TMEM233: variants seen among roughly 807,000 people sequenced by gnomAD.
TMEM233 encodes dispanin subfamily B member 2.
Under a neutral mutation model 11.2 loss-of-function variants are expected in TMEM233, and 6 were observed. The ratio of observed to expected loss-of-function variants is 0.54; its 90% CI spans 0.29 to 1.06. The LOEUF (loss-of-function observed/expected upper bound fraction) is 1.06, where lower values mean the gene tolerates loss of function less well. Ranked by LOEUF, TMEM233 falls within the 50% of genes least tolerant of loss-of-function variation. TMEM233 has a pLI of 0.08. For synonymous variants in TMEM233, 59 were observed against 55.8 expected, an observed-to-expected ratio of 1.06 and a Z score of -0.26; for missense variants, 127 against 144.7, an observed-to-expected ratio of 0.88 and a Z score of 0.63.
chr12:119,605,013 G>C (rs1289629150), intron 1 of TMEM233, among the ~76,000 whole-genome samples: 1 of 100,636 alleles, frequency 9.9e-6, no homozygotes, highest in Non-Finnish European at 2.1e-5. Context: ...TTTTTTTTTT[G>C]CCACGGGTGA....
intron 1 of TMEM233, among the ~76,000 whole-genome samples, chr12:119,612,207 A>C (rs988195899): frequency 6.6e-6 from 1 of 152,040 alleles, no homozygotes; most frequent in East Asian, 2.0e-4. Context: ...GTTAGCCAGG[A>C]TAGTCTTAAT....
At chr12:119,649,154 CGA>C in the TMEM233 span, among the ~76,000 whole-genome samples, 3 of 151,950 alleles carry the variant, frequency 2.0e-5, no homozygotes, top group Non-Finnish European at 2.9e-5. Flanking sequence ...AAAAATTAGC[CGA>C]GAGTGGTGGT....
chr12:119,618,247 TGCC>T (rs1291764394), intron 1 of TMEM233, among the ~76,000 whole-genome samples: 5 of 152,236 alleles, frequency 3.3e-5, no homozygotes, highest in African/African-American at 1.2e-4. Flanking sequence ...TGTATGGAAA[TGCC>T]TGGATGTCCA....
At chr12:119,627,101 G>C (rs1015549999) in intron 1 of TMEM233, among the ~76,000 whole-genome samples, 3 of 152,204 alleles carry the variant, frequency 2.0e-5, no homozygotes, top group African/African-American at 7.2e-5. Flanking sequence ...ATTTATCAGT[G>C]AGTACAGAGT....
Position 119,593,959 on chromosome 12 carries a change from C to T in TMEM233, c.111C>T (p.Tyr37=), listed in dbSNP as rs1316137656. ...TEEDVPMPKN[Y]LWLTIVSCFC... ...AGGACGTGCCCATGCCCAAGAACTACCTGTGGCTCACCATCGTCTCGTGTT... is the reference window on the plus strand; with the variant it reads ...AGGACGTGCCCATGCCCAAGAACTATCTGTGGCTCACCATCGTCTCGTGTT... The change falls in exon 1 of 3, where the codon TAC becomes TAT. Residue 37 remains tyrosine (Y), a synonymous_variant. Coordinates refer to ENST00000426426, the MANE Select transcript of TMEM233 (RefSeq NM_001136534.3). The surrounding 1 kb of genome is among the most constrained non-coding windows in gnomAD (Gnocchi z 4.1). The T allele has an allele frequency of 2.6e-6, 4 of 1,551,792 alleles. No homozygotes were observed. The highest frequency in any genetic ancestry group is 2.0e-5 in the Admixed American group (1 of 51,010).
At chr12:119,646,871 T>G (rs1486719845), downstream of TMEM233, among the ~76,000 whole-genome samples, 2 of 152,188 alleles carry the variant, frequency 1.3e-5, no homozygotes, top group Non-Finnish European at 2.9e-5. Flanking sequence ...ATTCACAAGT[T>G]CCAGGTGTTT....
At chr12:119,603,713 G>A (rs1000810268) in intron 1 of TMEM233, among the ~76,000 whole-genome samples, 3 of 152,098 alleles carry the variant, frequency 2.0e-5, no homozygotes, top group Admixed American at 2.0e-4. Context: ...GCACTGATTT[G>A]TGTATGTGAG....
intron 2 of TMEM233, among the ~76,000 whole-genome samples, chr12:119,633,855 A>T (rs11064861): frequency 0.38 from 57,943 of 152,052 alleles, 12,636 homozygotes; most frequent in East Asian, 0.59. Flanking sequence ...TTTAGACTCC[A>T]TAAGAGTTAC....
At chr12:119,605,954 G>A (rs1222163820) in intron 1 of TMEM233, among the ~76,000 whole-genome samples, 1 of 152,150 alleles carries the variant, frequency 6.6e-6, no homozygotes, top group Non-Finnish European at 1.5e-5. Flanking sequence ...GAAGAAGAGA[G>A]ACGAGCATGA....
chr12:119,621,050 T>C (rs931932913), intron 1 of TMEM233, among the ~76,000 whole-genome samples: 1 of 150,640 alleles, frequency 6.6e-6, no homozygotes, highest in Non-Finnish European at 1.5e-5. Context: ...CTGGCTTTTT[T>C]TTTTTTTTTT....
chr12:119,652,385 C>T, the TMEM233 span, among the ~76,000 whole-genome samples: 2 of 152,158 alleles, frequency 1.3e-5, no homozygotes, highest in African/African-American at 4.8e-5. Context: ...TTGCCTAGTA[C>T]AGCTACAAAC....
rs140297689 is a variant in TMEM233 at position 119,611,992 on chromosome 12, A to G, written c.187-17744A>G. ...AGCCTCACAACCAACCTGTGCATAG[A>G]TATTCTTTTTTTTTTTTCTGAGACA... On this transcript the variant is annotated intron_variant, in intron 1 of 2. Coordinates refer to ENST00000426426, the MANE Select transcript of TMEM233 (RefSeq NM_001136534.3). Among the ~76,000 whole-genome samples, 325 of 151,414 alleles carry G rather than the reference A, an allele frequency of 2.1e-3. 1 individual carries two copies. The highest frequency in any genetic ancestry group is 7.3e-3 in the African/African-American group (302 of 41,348).
chr12:119,596,199 G>C (rs551142081), intron 1 of TMEM233, among the ~76,000 whole-genome samples: 1 of 152,170 alleles, frequency 6.6e-6, no homozygotes, highest in Non-Finnish European at 1.5e-5. Flanking sequence ...GCAGCAGACT[G>C]TCTGGCTGGC....
At chr12:119,621,564 T>C (rs1328007681) in intron 1 of TMEM233, among the ~76,000 whole-genome samples, 1 of 152,188 alleles carries the variant, frequency 6.6e-6, no homozygotes, top group Non-Finnish European at 1.5e-5. Context: ...ACAATTACTG[T>C]ACCAAACTAG....
At chr12:119,652,262 G>A in the TMEM233 span, among the ~76,000 whole-genome samples, 1 of 152,206 alleles carries the variant, frequency 6.6e-6, no homozygotes, top group Non-Finnish European at 1.5e-5. Context: ...GATATACCAA[G>A]GCAGTGTTAT....
intron 1 of TMEM233, among the ~76,000 whole-genome samples, chr12:119,628,170 A>T (rs7294960): frequency 0.76 from 113,810 of 149,918 alleles, 43,196 homozygotes; most frequent in Middle Eastern, 0.84. Context: ...TTTTATTTTT[A>T]TTTTTGAGAC....
chr12:119,594,285 C>A lies in TMEM233; in HGVS notation c.186+251C>A. 2.1e-6 allele frequency: 1 copy of A among 473,476 alleles called. No individual in the cohort carries two copies. Among genetic ancestry groups the A allele is most frequent in the Non-Finnish European group, 3.7e-6 (1 of 267,396 alleles). 29.3% of individuals were successfully genotyped at this position (473,476 alleles called of 1,614,324 possible). ...AAGCTTCCCCCAGGCTAGCTTTCCT[C>A]TTCTTTCCAGCTCCCAGGGTGCGTT... On this transcript the variant is annotated intron_variant, in intron 1 of 2. Coordinates refer to ENST00000426426, the MANE Select transcript of TMEM233 (RefSeq NM_001136534.3). The surrounding 1 kb of genome is among the most constrained non-coding windows in gnomAD (Gnocchi z 5.6).
chr12:119,622,810 G>T lies in TMEM233; in HGVS notation c.187-6926G>T, dbSNP rs187250524. ...TTTCCCAAGTACCAGGGGAGAAAAT[G>T]GATTCAGAAAAGGATTTGTGGGGAG... On this transcript the variant is annotated intron_variant, in intron 1 of 2. Coordinates refer to ENST00000426426, the MANE Select transcript of TMEM233 (RefSeq NM_001136534.3). 9.2e-5 allele frequency among the ~76,000 whole-genome samples: 14 copies of T among 152,286 alleles called. 1 individual carries two copies. Among genetic ancestry groups the T allele is most frequent in the African/African-American group, 2.6e-4 (11 of 41,578 alleles).
chr12:119,635,307 G>T (rs1387894707), intron 2 of TMEM233, among the ~76,000 whole-genome samples: 2 of 152,038 alleles, frequency 1.3e-5, no homozygotes, highest in Non-Finnish European at 2.9e-5. Context: ...CAAGTTCCTG[G>T]ACCCCATTTC....
Sources: allele counts gnomAD v4.1 joint callset (sites outside exome capture counted in the v4.1 genomes callset), GRCh38; gene constraint gnomAD v4.1.1; non-coding constraint Gnocchi (gnomAD v3.1); transcripts MANE v1.5; gene names NCBI Gene and HGNC (gene_info 2026-07-23, HGNC 2026-07-21).